The following CDKAL1 variants were observed in gnomAD, a reference collection of about 807,000 sequenced individuals.
CDKAL1 encodes CDKAL1 threonylcarbamoyladenosine tRNA methylthiotransferase.
A neutral mutation model predicts 68.2 loss-of-function variants in CDKAL1; 32 were observed. The observed-to-expected ratio is 0.47, with a 90% CI of 0.35 to 0.63. The LOEUF is 0.63. Among genes scored for constraint, CDKAL1 ranks in the 30% least tolerant of loss-of-function variants. CDKAL1 has a pLI of 0.00. For synonymous variants in CDKAL1, 234 were observed against 244.3 expected (o/e 0.96, Z 0.39); for missense variants, 606 against 696.7 (o/e 0.87, Z 1.47).
chr6:20,725,202 A>G lies in CDKAL1; in HGVS notation c.372-14317A>G, dbSNP rs566114011. 7.3e-5 allele frequency among the ~76,000 whole-genome samples: 11 copies of G among 151,126 alleles called. No homozygotes were observed. The South Asian group carries it at 1.5e-3, about 20-fold the overall frequency. On this transcript the variant is annotated intron_variant, in intron 5 of 15. Transcript: ENST00000274695. ...ACTTCTACAGTGTTGGTGTGAGTAG[A>G]GTATCAGGATATTGATCTTAGGGGA...
chr6:21,016,391 A>G (rs971112808), intron 11 of CDKAL1, among the ~76,000 whole-genome samples: 2 of 151,516 alleles, frequency 1.3e-5, no homozygotes, highest in East Asian at 1.9e-4. Context: ...TCCCCACACC[A>G]CTTGCTGTCT....
chr6:20,768,045 T>G (rs1774775548), intron 7 of CDKAL1, among the ~76,000 whole-genome samples: 1 of 152,218 alleles, frequency 6.6e-6, no homozygotes, highest in Admixed American at 6.5e-5. Context: ...AATGTCCTTA[T>G]AAAGGATGCT....
At chr6:21,017,449 G>A (rs900332998) in intron 11 of CDKAL1, among the ~76,000 whole-genome samples, 4 of 152,130 alleles carry the variant, frequency 2.6e-5, no homozygotes, top group Admixed American at 6.6e-5. Flanking sequence ...CAGAACAGCC[G>A]CCTCTTCTAA....
chr6:20,886,061 A>G (rs1357267425), intron 9 of CDKAL1, among the ~76,000 whole-genome samples: 4 of 152,148 alleles, frequency 2.6e-5, no homozygotes, highest in Non-Finnish European at 5.9e-5. Context: ...AAGAACTACG[A>G]CTCAACAAGC....
At chr6:20,796,423 A>G (rs1776112079) in intron 8 of CDKAL1, among the ~76,000 whole-genome samples, 1 of 152,228 alleles carries the variant, frequency 6.6e-6, no homozygotes, top group African/African-American at 2.4e-5. Context: ...GTTGATGTAT[A>G]GATTTAAAGT....
chr6:20,879,080 T>A (rs922486589), intron 9 of CDKAL1, among the ~76,000 whole-genome samples: 1 of 151,232 alleles, frequency 6.6e-6, no homozygotes, highest in African/African-American at 2.4e-5. Context: ...TTCTATCTCA[T>A]TAAAAAAAAA....
chr6:20,725,448 C>T (rs1772599552), intron 5 of CDKAL1, among the ~76,000 whole-genome samples: 1 of 152,170 alleles, frequency 6.6e-6, no homozygotes, highest in South Asian at 2.1e-4. Context: ...GGTCTGACTT[C>T]CGTAAGCCTC....
At chr6:20,929,468 C>T (rs1266283787) in intron 9 of CDKAL1, among the ~76,000 whole-genome samples, 2 of 152,140 alleles carry the variant, frequency 1.3e-5, no homozygotes, top group Non-Finnish European at 2.9e-5. Flanking sequence ...AGCAGTAAGA[C>T]AGGGATGTTT....
intron 15 of CDKAL1, among the ~76,000 whole-genome samples, chr6:21,213,160 T>G (rs1779222160): frequency 6.6e-6 from 1 of 152,222 alleles, no homozygotes; most frequent in South Asian, 2.1e-4. Flanking sequence ...CTAATTGTGA[T>G]CACTGGTCAC....
intron 5 of CDKAL1, among the ~76,000 whole-genome samples, chr6:20,699,677 A>G (rs893710262): frequency 2.6e-5 from 4 of 152,142 alleles, no homozygotes; most frequent in African/African-American, 7.2e-5. Flanking sequence ...ATAGAGTTGC[A>G]TAACTTAGGA....
chr6:21,053,632 A>T (rs1013999844), intron 11 of CDKAL1, among the ~76,000 whole-genome samples: 3 of 149,124 alleles, frequency 2.0e-5, no homozygotes, highest in South Asian at 2.1e-4. Context: ...AATATCTGTT[A>T]TTTTTTTTTT....
At chr6:21,146,650 A>G (rs547956572) in intron 13 of CDKAL1, among the ~76,000 whole-genome samples, 5 of 152,060 alleles carry the variant, frequency 3.3e-5, no homozygotes, top group Non-Finnish European at 5.9e-5. Context: ...GGAGATCGAG[A>G]GCATCCTGGC....
intron 13 of CDKAL1, among the ~76,000 whole-genome samples, chr6:21,186,061 A>C (rs1307518505): frequency 6.6e-6 from 1 of 151,600 alleles, no homozygotes; most frequent in African/African-American, 2.4e-5. Context: ...GAGCTAAGCC[A>C]AGAAGTATGG....
intron 12 of CDKAL1, among the ~76,000 whole-genome samples, chr6:21,077,649 C>T (rs1441165625): frequency 6.6e-6 from 1 of 152,174 alleles, no homozygotes; most frequent in Non-Finnish European, 1.5e-5. Context: ...TTTACAACAA[C>T]CAGATCTTGT....
chr6:20,650,591 A>G (rs1768715417), intron 5 of CDKAL1, among the ~76,000 whole-genome samples: 1 of 152,068 alleles, frequency 6.6e-6, no homozygotes, highest in Admixed American at 6.6e-5. Context: ...GCTTTTGTCG[A>G]AATTGCTTTT....
rs1349906882 is a variant in CDKAL1, at chr6:21,006,808, G to A, written c.1055+6436G>A. Among the ~76,000 whole-genome samples the A allele has an allele frequency of 3.3e-5, 5 of 152,100 alleles. No individual in the cohort carries two copies. The East Asian group carries it at 9.7e-4, about 29-fold the overall frequency. On this transcript the variant is annotated intron_variant, in intron 11 of 15. Transcript: ENST00000274695. ...ATGTTGACTTGCTTTCCATTTCCTT[G>A]TAGTCTGGTCAAGAAAGGAACCTCA... is the stretch of plus-strand genomic sequence containing the variant.
intron 13 of CDKAL1, among the ~76,000 whole-genome samples, chr6:21,181,658 A>C (rs1777793824): frequency 6.6e-6 from 1 of 152,164 alleles, no homozygotes; most frequent in African/African-American, 2.4e-5. Context: ...CTAATCACAA[A>C]TTTTACATGT....
intron 11 of CDKAL1, among the ~76,000 whole-genome samples, chr6:21,031,557 C>T (rs191436282): frequency 1.7e-4 from 26 of 151,970 alleles, no homozygotes; most frequent in Admixed American, 1.1e-3. Flanking sequence ...ATTCTGCCTA[C>T]CACACACTGG....
At chr6:20,989,517 G>A (rs963896559) in intron 10 of CDKAL1, among the ~76,000 whole-genome samples, 5 of 152,274 alleles carry the variant, frequency 3.3e-5, no homozygotes, top group Non-Finnish European at 2.9e-5. Context: ...TTTAACATCT[G>A]CCTTTCCATT....
Sources: gnomAD v4.1 joint callset for allele counts (sites outside exome capture counted in the v4.1 genomes callset) on GRCh38, gnomAD v4.1.1 for gene constraint, MANE v1.5 for transcripts, NCBI Gene and HGNC (gene_info 2026-07-23, HGNC 2026-07-21) for gene names.